CCNE1: variants seen among roughly 807,000 people sequenced by gnomAD.
CCNE1 encodes G1/S-specific cyclin-E1.
A neutral mutation model predicts 54.1 loss-of-function variants in CCNE1; 8 were observed. The ratio of observed to expected loss-of-function variants is 0.15; its 90% CI spans 0.09 to 0.27. CCNE1 has a LOEUF of 0.27. Ranked by LOEUF, CCNE1 falls within the 10% of genes least tolerant of loss-of-function variation. The pLI, the probability that CCNE1 is intolerant of heterozygous loss-of-function variation, is 1.00. For synonymous variants in CCNE1, 179 were observed against 185.2 expected (o/e 0.97, Z 0.27); for missense variants, 430 against 514.9 (o/e 0.84, Z 1.60).
intron 6 of CCNE1, among the ~76,000 whole-genome samples, chr19:29,818,029 T>C (rs1038480806): frequency 1.8e-4 from 27 of 148,146 alleles, no homozygotes; most frequent in African/African-American, 6.7e-4. Flanking sequence ...GCCCAGTATT[T>C]TTTTTTTTTT....
intron 4 of CCNE1, among the ~76,000 whole-genome samples, chr19:29,816,898 A>T (rs1313733761): frequency 1.5e-5 from 2 of 135,924 alleles, no homozygotes; most frequent in African/African-American, 2.8e-5. Flanking sequence ...TGAAGTGCTT[A>T]TGTAAATATT....
At chr19:29,821,330 T>G (rs1474968528) in intron 7 of CCNE1, among the ~76,000 whole-genome samples, 1 of 152,122 alleles carries the variant, frequency 6.6e-6, no homozygotes, top group Non-Finnish European at 1.5e-5. Context: ...GAGGTTGCAG[T>G]GAGTCGAGAT....
At chr19:29,815,480 C>T (rs927960435) in intron 4 of CCNE1, among the ~76,000 whole-genome samples, 1 of 152,166 alleles carries the variant, frequency 6.6e-6, no homozygotes, top group Non-Finnish European at 1.5e-5. Flanking sequence ...AGTGCTTGGG[C>T]TTCCTCTGAA....
intron 4 of CCNE1, 61 bp from the exon 5 acceptor site, chr19:29,817,076 T>G: frequency 6.5e-7 from 1 of 1,535,986 alleles, no homozygotes; most frequent in Non-Finnish European, 8.9e-7. Context: ...GTAATGTTTT[T>G]GGGTAATGTA....
At chr19:29,821,678 A>T in intron 7 of CCNE1, 44 bp from the exon 8 acceptor site, 1 of 1,106,688 alleles carries the variant, frequency 9.0e-7, no homozygotes, top group East Asian at 2.4e-5. Context: ...TGAGACTGTT[A>T]GAGATTGGCT....
chr19:29,818,726 T>TA (rs1267420052), intron 6 of CCNE1, among the ~76,000 whole-genome samples: 1 of 151,768 alleles, frequency 6.6e-6, no homozygotes, highest in African/African-American at 2.4e-5. Context: ...GCCCAGGAGT[T>TA]AGAGACTAGC....
rs1460656730 is a variant in CCNE1 at position 29,813,062 on chromosome 19, CTG to C, written c.180+28_180+29del. 1.0e-5 allele frequency: 16 copies of C among 1,605,394 alleles called. No homozygotes were observed. In the African/African-American group the frequency reaches 1.6e-4, roughly 16 times the overall value. ...GGTAGGTCCGCCCGGGGTTGGGCCTCTGTGGAGGTCCTTCTCCCCCTGGGTCA... is the reference window on the plus strand; with the variant it reads ...GGTAGGTCCGCCCGGGGTTGGGCCTCTGGAGGTCCTTCTCCCCCTGGGTCA... On this transcript the variant is annotated intron_variant, in intron 4 of 11. Transcript: ENST00000262643.
At chr19:29,816,987 CA>C (rs1568368436) in intron 4 of CCNE1, 149 bp from the exon 5 acceptor site, 2 of 772,682 alleles carry the variant, frequency 2.6e-6, no homozygotes, top group African/African-American at 1.8e-5. Flanking sequence ...TGAGTTGTGA[CA>C]AAAAATATCA....
chr19:29,818,603 T>C (rs576577364), intron 6 of CCNE1, among the ~76,000 whole-genome samples: 5 of 152,220 alleles, frequency 3.3e-5, no homozygotes, highest in Non-Finnish European at 7.3e-5. Flanking sequence ...CATTCCCTTT[T>C]CCACCATTCC....
Position 29,816,544 on chromosome 19 carries a change from T to A in CCNE1, c.181-593T>A, listed in dbSNP as rs3218044. Among the ~76,000 whole-genome samples, 1,999 of 152,292 alleles carry A rather than the reference T, an allele frequency of 0.013. 109 individuals are homozygous for A. The East Asian group carries it at 0.13, about 10-fold the overall frequency. On this transcript the variant is annotated intron_variant, in intron 4 of 11. Transcript: ENST00000262643. ...CTTGATTTGGTTTTAACTAGGTGGA[T>A]GTTCATTCTGTTTGTTTCGAGTTAA...
chr19:29,818,651 T>G (rs1974081550), intron 6 of CCNE1, among the ~76,000 whole-genome samples: 1 of 152,126 alleles, frequency 6.6e-6, no homozygotes. Context: ...AAATCCTGGC[T>G]GGGCACAGTG....
At chr19:29,814,474 G>C (rs1973965296) in intron 4 of CCNE1, among the ~76,000 whole-genome samples, 1 of 150,786 alleles carries the variant, frequency 6.6e-6, no homozygotes, top group Non-Finnish European at 1.5e-5. Context: ...TGCCGGAATA[G>C]CCATACCATT....
chr19:29,812,502 GC>G (rs1973913710), intron 1 of CCNE1, 29 bp from the exon 2 acceptor site: 20 of 1,263,792 alleles, frequency 1.6e-5, no homozygotes, highest in Non-Finnish European at 2.0e-5. Flanking sequence ...GCCTGACCCC[GC>G]CGCCGCCTCA....
intron 1 of CCNE1, 44 bp from the exon 2 acceptor site, chr19:29,812,488 C>A (rs1265027614): frequency 2.4e-6 from 3 of 1,236,572 alleles, no homozygotes; most frequent in African/African-American, 1.6e-5. Flanking sequence ...GTACTGGGCC[C>A]GCGGCCTGAC....
intron 7 of CCNE1, 139 bp downstream of exon 7, chr19:29,820,987 A>G (rs1454777555): frequency 1.1e-5 from 7 of 631,692 alleles, no homozygotes; most frequent in Middle Eastern, 4.3e-4. Flanking sequence ...GTTAAGACAC[A>G]TGCCAAAAAG....
chr19:29,816,204 T>C (rs1042907998), intron 4 of CCNE1, among the ~76,000 whole-genome samples: 1 of 150,840 alleles, frequency 6.6e-6, no homozygotes, highest in Non-Finnish European at 1.5e-5. Flanking sequence ...ATGGCTTCCA[T>C]GCTAGTAGGA....
rs772211604 is a variant in CCNE1, at chr19:29,823,724, C to T, written c.1180C>T (p.Leu394Phe). Reference sequence around the variant, plus strand: ...GGCTTCTCCTCTCCCCAGTGGGCTCCTCACCCCGCCACAGAGCGGTAAGAA... The same window carrying T: ...GGCTTCTCCTCTCCCCAGTGGGCTCTTCACCCCGCCACAGAGCGGTAAGAA... ...NRASPLPSGL[L>F]TPPQSGKKQS... Residue 394 changes from leucine (L) to phenylalanine (F), a missense_variant, in exon 12 of 12, where the codon CTC (leucine) becomes TTC (phenylalanine). Physicochemically the swap from Leu to Phe is conservative, Grantham distance 22. Coordinates refer to ENST00000262643, the MANE Select transcript of CCNE1 (RefSeq NM_001238.4). 6.2e-7 allele frequency: 1 copy of T among 1,614,156 alleles called. No individual in the cohort carries two copies.
rs367550239 is a variant in CCNE1, at chr19:29,817,559, T to G, written c.462+18T>G. 2.5e-5 allele frequency: 40 copies of G among 1,614,060 alleles called. No homozygotes were observed. The African/African-American group carries it at 3.2e-4, about 13-fold the overall frequency. On this transcript the variant is annotated intron_variant, in intron 6 of 11. Coordinates refer to ENST00000262643, the MANE Select transcript of CCNE1 (RefSeq NM_001238.4). ...TAATGGAGGTGAGCTTGAGTCTTCC[T>G]GTTCGCTTCATGAAAGCACTGAGCA...
At position 29,814,391 on chromosome 19, in the gene CCNE1, C is replaced by CTGAG. The variant is rs139257528; in HGVS notation, c.180+1355_180+1358dup. Among the ~76,000 whole-genome samples the CTGAG allele has an allele frequency of 3.8e-3, 573 of 152,290 alleles. 6 individuals are homozygous for CTGAG. Among genetic ancestry groups the CTGAG allele is most frequent in the African/African-American group, 0.013 (527 of 41,564 alleles). The stretch of plus-strand genomic sequence containing the variant: ...AAGCATGTCTGTTCTCAAGGATAGC[C>CTGAG]TGAGCAGTGACGAGGGTGCCTCCTG... On this transcript the variant is annotated intron_variant, in intron 4 of 11. Transcript: ENST00000262643.
Sources: gnomAD v4.1 joint callset for allele counts (sites outside exome capture counted in the v4.1 genomes callset) on GRCh38, gnomAD v4.1.1 for gene constraint, MANE v1.5 for transcripts, NCBI Gene and HGNC (gene_info 2026-07-23, HGNC 2026-07-21) for gene names.